Variants in VAV2 observed in about 807,000 individuals in gnomAD.
The protein encoded by VAV2 is guanine nucleotide exchange factor VAV2.
In VAV2, 67 loss-of-function variants were observed where a neutral mutation model predicts 132.5. The observed-to-expected ratio is 0.51, with a 90% CI of 0.42 to 0.62. The LOEUF (loss-of-function observed/expected upper bound fraction) is 0.62, where lower values mean the gene tolerates loss of function less well. Ranked by LOEUF, VAV2 falls within the 20% of genes least tolerant of loss-of-function variation. The pLI is 0.00. For missense variants in VAV2, 938 were observed against 1,153.6 expected (o/e 0.81, Z 2.71); for synonymous variants, 492 against 443.5 (o/e 1.11, Z -1.37).
rs1188988377 is a variant in VAV2 at position 133,884,498 on chromosome 9, C to A, written c.322-23066G>T. Among the ~76,000 whole-genome samples the A allele has an allele frequency of 6.6e-6, 1 of 152,106 alleles. No individual in the cohort carries two copies. Among genetic ancestry groups the A allele is most frequent in the Non-Finnish European group, 1.5e-5 (1 of 68,010 alleles). On this transcript the variant is annotated intron_variant, in intron 2 of 29. Transcript: ENST00000371850. The surrounding 1 kb of genome is among the most constrained non-coding windows in gnomAD (Gnocchi z 5.3). The stretch of plus-strand genomic sequence containing the variant: ...CCTGGGGGGCGTGGTGGGGACTCCG[C>A]AAGCACTCAACAGATGCTGGCCCAC...
intron 19 of VAV2, 89 bp from the exon 20 acceptor site, chr9:133,780,799 G>A (rs1017659578): frequency 2.3e-5 from 29 of 1,241,264 alleles, no homozygotes; most frequent in Admixed American, 1.3e-4. Context: ...CGAGCCTCTG[G>A]GCCGAGCTTA....
At position 133,985,027 on chromosome 9, in the gene VAV2, T is replaced by C. The variant is rs560628600; in HGVS notation, c.204+7048A>G. 2.9e-4 allele frequency among the ~76,000 whole-genome samples: 44 copies of C among 152,276 alleles called. 1 individual carries two copies. The South Asian group carries it at 8.9e-3, about 31-fold the overall frequency. On this transcript the variant is annotated intron_variant, in intron 1 of 29. Transcript: ENST00000371850. Reference sequence around the variant, plus strand: ...GAAAATACAGATGTGGCTTACATTATATTTCTATCTGGCAGCACTGATATA... The same window carrying C: ...GAAAATACAGATGTGGCTTACATTACATTTCTATCTGGCAGCACTGATATA...
intron 3 of VAV2, among the ~76,000 whole-genome samples, chr9:133,835,463 G>A (rs969382725): frequency 1.3e-5 from 2 of 152,194 alleles, no homozygotes; most frequent in South Asian, 2.1e-4. Context: ...ACCCAGAAGA[G>A]GGGGCTGCAG....
intron 13 of VAV2, 47 bp from the exon 14 acceptor site, chr9:133,789,390 G>A: frequency 1.9e-6 from 3 of 1,594,194 alleles, no homozygotes; most frequent in Non-Finnish European, 2.6e-6. Flanking sequence ...AGCAGCCCCA[G>A]TTCTCCTGAC....
chr9:133,770,275 A>T, intron 27 of VAV2, 103 bp downstream of exon 27: 1 of 1,539,552 alleles, frequency 6.5e-7, no homozygotes, highest in Admixed American at 1.8e-5. Context: ...CCAGGGTGGG[A>T]CTCCTGGTCT....
chr9:133,832,319 G>C (rs1424591648), intron 4 of VAV2, among the ~76,000 whole-genome samples: 2 of 152,190 alleles, frequency 1.3e-5, no homozygotes, highest in Non-Finnish European at 2.9e-5. Flanking sequence ...CCAAGGCAAG[G>C]AATGCCAGGA....
At chr9:133,822,420 G>A (rs767865460) in intron 4 of VAV2, among the ~76,000 whole-genome samples, 17 of 152,310 alleles carry the variant, frequency 1.1e-4, no homozygotes, top group East Asian at 3.9e-4. Flanking sequence ...AAGGCGCATC[G>A]AGCCTCTGAA....
intron 1 of VAV2, among the ~76,000 whole-genome samples, chr9:133,973,408 C>A (rs185034641): frequency 2.6e-5 from 4 of 152,304 alleles, no homozygotes; most frequent in African/African-American, 9.6e-5. Context: ...CCTCCCATGA[C>A]CCCCGGGCAG....
intron 4 of VAV2, among the ~76,000 whole-genome samples, chr9:133,831,330 G>T (rs952910899): frequency 1.3e-5 from 2 of 152,162 alleles, no homozygotes; most frequent in Non-Finnish European, 2.9e-5. Context: ...CAGCTACTGG[G>T]GAGGCTGAGG....
At chr9:133,888,057 C>T (rs890086346) in intron 2 of VAV2, among the ~76,000 whole-genome samples, 1 of 152,222 alleles carries the variant, frequency 6.6e-6, no homozygotes, top group African/African-American at 2.4e-5. Context: ...GCCTTGAGGG[C>T]CTTGTGCTAA....
intron 3 of VAV2, among the ~76,000 whole-genome samples, chr9:133,848,849 G>A (rs1279551870): frequency 6.6e-6 from 1 of 152,176 alleles, no homozygotes; most frequent in Non-Finnish European, 1.5e-5. Context: ...CCGTGTTTGG[G>A]TTTGTTTCCA....
intron 1 of VAV2, among the ~76,000 whole-genome samples, chr9:133,966,959 C>CAGGAGGCAG (rs1353864843): frequency 2.2e-4 from 32 of 145,950 alleles, no homozygotes; most frequent in African/African-American, 7.8e-4. Flanking sequence ...TGCTTGAACC[C>CAGGAGGCAG]AGGAGGCAGA....
At position 133,840,042 on chromosome 9, in the gene VAV2, C is replaced by A. The variant is rs1836656391; in HGVS notation, c.381-5702G>T. Among the ~76,000 whole-genome samples the A allele has an allele frequency of 6.6e-6, 1 of 152,152 alleles. No homozygotes were observed. The highest frequency in any genetic ancestry group is 1.5e-5 in the Non-Finnish European group (1 of 68,018). ...CAGCTGATTTTCCTTCCCGCACTTA[C>A]CCCTAGCGTCCCCTACCCACACCTT... is the stretch of plus-strand genomic sequence containing the variant. On this transcript the variant is annotated intron_variant, in intron 3 of 29. Coordinates refer to ENST00000371850, the MANE Select transcript of VAV2 (RefSeq NM_001134398.2). The surrounding 1 kb of genome is among the most constrained non-coding windows in gnomAD (Gnocchi z 4.5).
At chr9:133,812,401 C>T (rs1290366601) in intron 4 of VAV2, among the ~76,000 whole-genome samples, 185 bp from the exon 5 acceptor site, 1 of 152,216 alleles carries the variant, frequency 6.6e-6, no homozygotes, top group African/African-American at 2.4e-5. Flanking sequence ...GCGAACTGGG[C>T]AGCGTAAGGC....
intron 2 of VAV2, among the ~76,000 whole-genome samples, chr9:133,900,081 C>A (rs1436694932): frequency 1.3e-5 from 2 of 151,476 alleles, no homozygotes; most frequent in Non-Finnish European, 2.9e-5. Context: ...TGCCTGTGGT[C>A]CCAGCTACTC....
At chr9:133,930,828 C>T (rs1442851131) in intron 2 of VAV2, among the ~76,000 whole-genome samples, 1 of 152,152 alleles carries the variant, frequency 6.6e-6, no homozygotes, top group African/African-American at 2.4e-5. Flanking sequence ...TCCAGCGTCG[C>T]CAGCTGGCAC....
intron 1 of VAV2, among the ~76,000 whole-genome samples, chr9:133,959,432 T>C (rs544897160): frequency 6.6e-6 from 1 of 152,240 alleles, no homozygotes; most frequent in Non-Finnish European, 1.5e-5. Context: ...CCTCTCAAGC[T>C]GTTCCTCTCA....
intron 3 of VAV2, among the ~76,000 whole-genome samples, chr9:133,836,917 G>C (rs755932659): frequency 2.6e-5 from 4 of 152,198 alleles, no homozygotes; most frequent in African/African-American, 4.8e-5. Context: ...GCCCAGCGCA[G>C]GGTTCTTAAC....
Position 133,971,051 on chromosome 9 carries a change from C to T in VAV2, c.204+21024G>A, listed in dbSNP as rs1842316097. Among the ~76,000 whole-genome samples the T allele has an allele frequency of 2.0e-5, 3 of 152,194 alleles. No individual in the cohort carries two copies. The South Asian group carries it at 6.2e-4, about 32-fold the overall frequency. ...ATTACAGGTGCAAGTCACAGTATCTCAGGAGCCCGCGGTGCCTCCTGCGGG... is the reference window on the plus strand; with the variant it reads ...ATTACAGGTGCAAGTCACAGTATCTTAGGAGCCCGCGGTGCCTCCTGCGGG... On this transcript the variant is annotated intron_variant, in intron 1 of 29. Coordinates refer to ENST00000371850, the MANE Select transcript of VAV2 (RefSeq NM_001134398.2).
Sources: gnomAD v4.1 joint callset for allele counts (sites outside exome capture counted in the v4.1 genomes callset) on GRCh38, gnomAD v4.1.1 for gene constraint, Gnocchi (gnomAD v3.1) non-coding constraint, MANE v1.5 for transcripts, NCBI Gene and HGNC (gene_info 2026-07-23, HGNC 2026-07-21) for gene names.